Variants in GRIN2B observed in about 807,000 individuals in gnomAD.
GRIN2B encodes glutamate receptor ionotropic, NMDA 2B.
A neutral mutation model predicts 114.5 loss-of-function variants in GRIN2B; 5 were observed. The ratio of observed to expected loss-of-function variants is 0.04; its 90% CI spans 0.02 to 0.09. The LOEUF (loss-of-function observed/expected upper bound fraction) is 0.09, where lower values mean the gene tolerates loss of function less well. GRIN2B is among the 10% of genes least tolerant of loss of function. GRIN2B has a pLI of 1.00. For synonymous variants in GRIN2B, 787 were observed against 745.1 expected (o/e 1.06, Z -0.92); for missense variants, 1,108 against 1,943.5 (o/e 0.57, Z 8.08).
chr12:13,595,123 G>C (rs779854896), intron 10 of GRIN2B, among the ~76,000 whole-genome samples: 26 of 152,314 alleles, frequency 1.7e-4, no homozygotes, highest in Admixed American at 1.2e-3. Context: ...AGTCAAGAGA[G>C]AAATAAGTCC....
chr12:13,811,509 AG>A (rs540862950), intron 3 of GRIN2B, among the ~76,000 whole-genome samples: 1 of 152,242 alleles, frequency 6.6e-6, no homozygotes, highest in Non-Finnish European at 1.5e-5. Context: ...TGAGCCTAGA[AG>A]GGCGAGGCTG....
chr12:13,594,645 C>T (rs542577851), intron 10 of GRIN2B, among the ~76,000 whole-genome samples: 2 of 149,600 alleles, frequency 1.3e-5, no homozygotes, highest in African/African-American at 2.5e-5. Flanking sequence ...GCACATTCTG[C>T]ACATGTACCC....
intron 2 of GRIN2B, among the ~76,000 whole-genome samples, chr12:13,866,893 T>C (rs1368609911): frequency 6.6e-6 from 1 of 152,170 alleles, no homozygotes; most frequent in Non-Finnish European, 1.5e-5. Flanking sequence ...AAGAAAAACA[T>C]TATTATCACC....
chr12:13,906,113 A>G (rs1866530786), intron 2 of GRIN2B, among the ~76,000 whole-genome samples: 1 of 152,196 alleles, frequency 6.6e-6, no homozygotes, highest in Admixed American at 6.5e-5. Flanking sequence ...TTATCTTCTT[A>G]TAGCAATTTG....
At chr12:13,574,208 C>G (rs1948744387) in intron 10 of GRIN2B, among the ~76,000 whole-genome samples, 1 of 152,180 alleles carries the variant, frequency 6.6e-6, no homozygotes, top group Non-Finnish European at 1.5e-5. Context: ...TCCTCACTGT[C>G]TCCAGCAGAT....
At chr12:13,579,414 C>T (rs780488891) in intron 10 of GRIN2B, among the ~76,000 whole-genome samples, 1 of 152,228 alleles carries the variant, frequency 6.6e-6, no homozygotes, top group Non-Finnish European at 1.5e-5. Flanking sequence ...ACTCACTTAA[C>T]TTATCTGTGC....
intron 3 of GRIN2B, among the ~76,000 whole-genome samples, chr12:13,822,380 G>T (rs1451325996): frequency 6.6e-6 from 1 of 152,146 alleles, no homozygotes; most frequent in Non-Finnish European, 1.5e-5. Flanking sequence ...ATTGTATGTA[G>T]CTGTGAGGGT....
intron 3 of GRIN2B, among the ~76,000 whole-genome samples, chr12:13,776,137 G>A (rs543243878): frequency 1.3e-5 from 2 of 152,300 alleles, no homozygotes; most frequent in East Asian, 3.9e-4. Flanking sequence ...GGACATGGAT[G>A]GAGCTGGAAG....
In GRIN2B at chr12:13,541,166, C is replaced by G. The variant is rs887926981; in HGVS notation, c.*21617G>C. 1.3e-5 allele frequency: 2 copies of G among 152,340 alleles called. No individual in the cohort carries two copies. The highest frequency in any genetic ancestry group is 1.9e-4 in the East Asian group (1 of 5,176). The allele number at this position is 152,340 out of a possible 1,614,324, so 9.4% of individuals were successfully genotyped here. On this transcript the variant is annotated 3_prime_UTR_variant, in exon 14 of 14. Coordinates refer to ENST00000609686, the MANE Select transcript of GRIN2B (RefSeq NM_000834.5). ...GGGACAAGAGCTCACTGCCCCATCC[C>G]TTCTCTGATCTCCACTGTAACATTG...
At chr12:13,803,308 C>A (rs558573190) in intron 3 of GRIN2B, among the ~76,000 whole-genome samples, 2 of 152,026 alleles carry the variant, frequency 1.3e-5, no homozygotes, top group South Asian at 4.2e-4. Flanking sequence ...GTTCCCCTAA[C>A]CCCCACATTG....
chr12:13,758,192 C>G (rs1373205718), intron 3 of GRIN2B, among the ~76,000 whole-genome samples: 1 of 152,146 alleles, frequency 6.6e-6, no homozygotes, highest in Non-Finnish European at 1.5e-5. Context: ...ATTTCTGAAG[C>G]TTCCATTAAA....
At chr12:13,617,712 T>A (rs990855551) in intron 5 of GRIN2B, among the ~76,000 whole-genome samples, 1 of 152,190 alleles carries the variant, frequency 6.6e-6, no homozygotes, top group Non-Finnish European at 1.5e-5. Flanking sequence ...CATGCAGCAA[T>A]GCAAATTAGT....
intron 4 of GRIN2B, among the ~76,000 whole-genome samples, chr12:13,709,645 A>G (rs768982283): frequency 3.9e-5 from 6 of 152,004 alleles, no homozygotes; most frequent in Non-Finnish European, 8.8e-5. Context: ...TGAGGCTCTA[A>G]GTACTGCACC....
At chr12:13,855,744 T>C (rs1477739906) in intron 3 of GRIN2B, among the ~76,000 whole-genome samples, 1 of 152,202 alleles carries the variant, frequency 6.6e-6, no homozygotes. Context: ...ATGACATCTT[T>C]AAGTTAATTA....
chr12:13,566,541 G>C (rs921503911), intron 13 of GRIN2B, among the ~76,000 whole-genome samples: 2 of 152,126 alleles, frequency 1.3e-5, no homozygotes, highest in Admixed American at 6.5e-5. Context: ...ATTTCTAAAG[G>C]TTCTGTTAAG....
intron 4 of GRIN2B, among the ~76,000 whole-genome samples, chr12:13,750,817 G>A (rs1027601709): frequency 9.2e-5 from 14 of 152,200 alleles, no homozygotes; most frequent in Non-Finnish European, 2.1e-4. Context: ...AGAGAAATGA[G>A]TGCTATGGGA....
At chr12:13,592,537 T>C in intron 10 of GRIN2B, among the ~76,000 whole-genome samples, 1 of 152,248 alleles carries the variant, frequency 6.6e-6, no homozygotes, top group Non-Finnish European at 1.5e-5. Context: ...TAAATTCTTT[T>C]ACCACCTGTG....
At chr12:13,648,940 G>A (rs1472955796) in intron 5 of GRIN2B, among the ~76,000 whole-genome samples, 1 of 152,006 alleles carries the variant, frequency 6.6e-6, no homozygotes, top group Non-Finnish European at 1.5e-5. Flanking sequence ...CATCACAAGG[G>A]AGAGAAGGAG....
At chr12:13,871,745 C>T (rs1462989401) in intron 2 of GRIN2B, among the ~76,000 whole-genome samples, 1 of 147,824 alleles carries the variant, frequency 6.8e-6, no homozygotes, top group Admixed American at 6.7e-5. Flanking sequence ...AGAGAAAATG[C>T]GAATGAAAGA....
Sources: gnomAD v4.1 joint callset for allele counts (sites outside exome capture counted in the v4.1 genomes callset) on GRCh38, gnomAD v4.1.1 for gene constraint, MANE v1.5 for transcripts, NCBI Gene and HGNC (gene_info 2026-07-23, HGNC 2026-07-21) for gene names.